FOCAD: variants seen among roughly 807,000 people sequenced by gnomAD.
FOCAD encodes focadhesin.
FOCAD carries 198 observed loss-of-function variants against 225.6 expected under a neutral mutation model. The observed-to-expected ratio is 0.88, with a 90% CI of 0.78 to 0.99. The LOEUF is 0.99. Among genes scored for constraint, FOCAD ranks in the 50% least tolerant of loss-of-function variants. The pLI, the probability that FOCAD is intolerant of heterozygous loss-of-function variation, is 0.00. For synonymous variants in FOCAD, 897 were observed against 755.0 expected, an observed-to-expected ratio of 1.19 and a Z score of -3.08; for missense variants, 2,713 against 2,123.6, an observed-to-expected ratio of 1.28 and a Z score of -5.46.
At chr9:20,782,888 C>T (rs981005904) in intron 10 of FOCAD, among the ~76,000 whole-genome samples, 11 of 152,202 alleles carry the variant, frequency 7.2e-5, no homozygotes, top group Non-Finnish European at 1.5e-5. Flanking sequence ...TGAATGTATA[C>T]TACAGCTTCC....
intron 15 of FOCAD, among the ~76,000 whole-genome samples, chr9:20,833,344 A>G (rs1031701613): frequency 6.6e-6 from 1 of 152,120 alleles, no homozygotes; most frequent in Admixed American, 6.6e-5. Flanking sequence ...GTCCTGGTAT[A>G]AAAGCCACTA....
chr9:20,834,172 C>T (rs1260081126), intron 15 of FOCAD, among the ~76,000 whole-genome samples: 2 of 151,978 alleles, frequency 1.3e-5, no homozygotes, highest in Non-Finnish European at 2.9e-5. Context: ...AACTGGATGC[C>T]CTTATCCTCA....
At chr9:20,658,142 T>C (rs1433879049), upstream of FOCAD, among the ~76,000 whole-genome samples, 1 of 151,434 alleles carries the variant, frequency 6.6e-6, no homozygotes, top group Non-Finnish European at 1.5e-5. Context: ...CGTTCTCAGA[T>C]CTCCAGCTGC....
At chr9:20,846,213 A>G (rs1026916136) in intron 15 of FOCAD, among the ~76,000 whole-genome samples, 3 of 152,118 alleles carry the variant, frequency 2.0e-5, no homozygotes, top group Admixed American at 2.0e-4. Context: ...GGCTGAAACT[A>G]AGAAATCACT....
rs1459936514 is a variant in FOCAD, at chr9:20,951,001, T to C, written c.3954T>C (p.Ile1318=). ...TGTTACCTTTTTATTTGTAGGTCATTAGTGTCTCTGGGGTGATTGGTCTCC... is the reference window on the plus strand; with the variant it reads ...TGTTACCTTTTTATTTGTAGGTCATCAGTGTCTCTGGGGTGATTGGTCTCC... ...NEVIRTLTQV[I]SVSGVIGLQS... Residue 1318 remains isoleucine (I), a synonymous_variant, in exon 34 of 44, where the codon ATT becomes ATC. Transcript: ENST00000338382. 6.2e-7 allele frequency: 1 copy of C among 1,612,650 alleles called. No homozygotes were observed. Among genetic ancestry groups the C allele is most frequent in the South Asian group, 1.1e-5 (1 of 91,008 alleles).
intron 2 of FOCAD, among the ~76,000 whole-genome samples, chr9:20,673,852 G>A (rs756234759): frequency 2.0e-5 from 3 of 152,196 alleles, no homozygotes; most frequent in Non-Finnish European, 2.9e-5. Flanking sequence ...GATTACAGGC[G>A]TGAGCCACCA....
At chr9:20,939,668 CCTT>C (rs1197039830) in intron 28 of FOCAD, among the ~76,000 whole-genome samples, 3 of 147,596 alleles carry the variant, frequency 2.0e-5, no homozygotes, top group African/African-American at 7.4e-5. Context: ...TTCATTCTTA[CCTT>C]CTTTGTTGAT....
In FOCAD at chr9:20,820,953, C is replaced by G; in HGVS notation, c.1675C>G (p.Pro559Ala). 1.2e-6 allele frequency: 2 copies of G among 1,612,264 alleles called. No homozygotes were observed. Among genetic ancestry groups the G allele is most frequent in the Non-Finnish European group, 8.5e-7 (1 of 1,178,876 alleles). Residue 559 changes from proline (P) to alanine (A), a missense_variant, in exon 14 of 44, where the codon CCT becomes GCT. Coordinates refer to ENST00000338382, the MANE Select transcript of FOCAD (RefSeq NM_001375567.1). The part of the protein sequence containing the change: ...SLWEKQDRVY[P>A]ELQRFMAVSD... ...ATTGCCTTCGTAGGACCGAGTCTAT[C>G]CTGAACTGCAGCGTTTCATGGCTGT...
chr9:20,822,101 A>T (rs114781079), intron 14 of FOCAD, among the ~76,000 whole-genome samples: 1,943 of 151,964 alleles, frequency 0.013, 44 homozygotes, highest in African/African-American at 0.045. Flanking sequence ...ATTCAGAGAT[A>T]AAAGTTATTG....
At chr9:20,988,516 AAT>A (rs1841384359) in intron 41 of FOCAD, 87 bp downstream of exon 41, 1 of 410,120 alleles carries the variant, frequency 2.4e-6, no homozygotes, top group African/African-American at 2.2e-5. Context: ...TTTTGCCATT[AAT>A]TGGCAAAAAC....
At chr9:20,991,899 A>G (rs771076383) in intron 42 of FOCAD, among the ~76,000 whole-genome samples, 1 of 151,984 alleles carries the variant, frequency 6.6e-6, no homozygotes, top group African/African-American at 2.4e-5. Context: ...TTGGACTACA[A>G]TGTAGACCTC....
intron 6 of FOCAD, among the ~76,000 whole-genome samples, chr9:20,762,509 A>T (rs543339970): frequency 8.5e-5 from 13 of 152,292 alleles, no homozygotes; most frequent in African/African-American, 3.1e-4. Flanking sequence ...GTGATCAGTA[A>T]ATTTTACCAA....
intron 1 of FOCAD, among the ~76,000 whole-genome samples, chr9:20,686,897 AAAC>A (rs1430494312): frequency 7.2e-5 from 11 of 152,216 alleles, no homozygotes; most frequent in Non-Finnish European, 1.3e-4. Context: ...AAATGATTTG[AAAC>A]AACAAAGTTT....
chr9:20,961,805 C>G (rs902549156), intron 35 of FOCAD, among the ~76,000 whole-genome samples: 11 of 152,148 alleles, frequency 7.2e-5, no homozygotes, highest in East Asian at 1.9e-4. Flanking sequence ...TCACTCAGGT[C>G]TCCACTGGGT....
chr9:20,694,278 C>T lies in FOCAD; in HGVS notation c.-33+9985C>T, dbSNP rs185813185. Among the ~76,000 whole-genome samples, 356 of 152,264 alleles carry T rather than the reference C, an allele frequency of 2.3e-3. 6 individuals carry two copies. Among genetic ancestry groups the T allele is most frequent in the Middle Eastern group, 3.4e-3 (1 of 294 alleles). On this transcript the variant is annotated intron_variant, in intron 1 of 43. Coordinates refer to ENST00000338382, the MANE Select transcript of FOCAD (RefSeq NM_001375567.1). ...ACTCTCTCCACCTCCACATATCTTA[C>T]TGAGAACTTCAGATAAGAGAAGTGT...
rs1364616334 is a variant in FOCAD, at chr9:20,912,970, C to T, written c.2807+16C>T. 1 of 1,598,818 alleles carries T rather than the reference C, an allele frequency of 6.3e-7. No homozygotes were observed. Among genetic ancestry groups the T allele is most frequent in the Non-Finnish European group, 8.6e-7 (1 of 1,167,592 alleles). On this transcript the variant is annotated intron_variant, in intron 23 of 43. Coordinates refer to ENST00000338382, the MANE Select transcript of FOCAD (RefSeq NM_001375567.1). ...CCTGGCTCTGGTAAGTGTTCATGTT[C>T]AGCTGCCCATTATTTGTCATGGGAA...
At chr9:20,664,759 G>A (rs1177560274) in intron 2 of FOCAD, among the ~76,000 whole-genome samples, 2 of 151,548 alleles carry the variant, frequency 1.3e-5, no homozygotes, top group East Asian at 3.9e-4. Context: ...GATTACAGGC[G>A]TGAGCCATTG....
At chr9:20,813,695 A>G (rs925875288) in intron 11 of FOCAD, among the ~76,000 whole-genome samples, 1 of 152,178 alleles carries the variant, frequency 6.6e-6, no homozygotes, top group Non-Finnish European at 1.5e-5. Flanking sequence ...GAGAGAGAAC[A>G]TGCTGTTGCT....
At chr9:20,981,796 G>T in intron 38 of FOCAD, 110 bp downstream of exon 38, 1 of 1,221,666 alleles carries the variant, frequency 8.2e-7, no homozygotes, top group Admixed American at 2.4e-5. Flanking sequence ...GGGAAGGCTA[G>T]CAAGAAATAA....
Sources: allele counts gnomAD v4.1 joint callset (sites outside exome capture counted in the v4.1 genomes callset), GRCh38; gene constraint gnomAD v4.1.1; transcripts MANE v1.5; gene names NCBI Gene and HGNC (gene_info 2026-07-23, HGNC 2026-07-21).